Variants in INSC observed in about 807,000 individuals in gnomAD.
The protein encoded by INSC is protein inscuteable homolog.
In INSC, 67 loss-of-function variants were observed where a neutral mutation model predicts 58.6. The ratio of observed to expected loss-of-function variants is 1.14; its 90% CI spans 0.94 to 1.40. The LOEUF is 1.40. Ranked by LOEUF, INSC falls within the 40% of genes most tolerant of loss-of-function variation. INSC has a pLI of 0.00. For missense variants in INSC, 714 were observed against 692.0 expected (o/e 1.03, Z -0.36); for synonymous variants, 262 against 276.1 (o/e 0.95, Z 0.51).
At chr11:15,211,543 T>A (rs74588691) in intron 7 of INSC, among the ~76,000 whole-genome samples, 4,850 of 152,340 alleles carry the variant, frequency 0.032, 72 homozygotes, top group Middle Eastern at 0.071. Context: ...TTTGTTAAAA[T>A]TCAATTTATT....
chr11:15,160,464 AGAG>A (rs1848979325), intron 2 of INSC, among the ~76,000 whole-genome samples: 1 of 152,146 alleles, frequency 6.6e-6, no homozygotes, highest in Non-Finnish European at 1.5e-5. Context: ...ACAGCTATCA[AGAG>A]GAGGGAGTGG....
chr11:15,197,260 CAG>C (rs1469287182), intron 6 of INSC, among the ~76,000 whole-genome samples: 2 of 152,200 alleles, frequency 1.3e-5, no homozygotes, highest in African/African-American at 4.8e-5. Flanking sequence ...ATGGAGCAGA[CAG>C]AGTGTTGAAG....
intron 2 of INSC, among the ~76,000 whole-genome samples, chr11:15,169,203 C>T (rs1028563508): frequency 1.3e-5 from 2 of 151,542 alleles, no homozygotes; most frequent in African/African-American, 4.9e-5. Flanking sequence ...GGAGGGTTCC[C>T]GATGTAGCTA....
chr11:15,135,995 C>T (rs890627966), intron 1 of INSC, among the ~76,000 whole-genome samples: 1 of 152,078 alleles, frequency 6.6e-6, no homozygotes, highest in African/African-American at 2.4e-5. Context: ...AAAGTGAATC[C>T]ACTTATGTAA....
chr11:15,179,238 G>A (rs1849678333), intron 5 of INSC, among the ~76,000 whole-genome samples: 1 of 152,084 alleles, frequency 6.6e-6, no homozygotes. Flanking sequence ...CACATAGTGT[G>A]GGTTAAATAC....
chr11:15,141,849 C>G (rs1405391187), intron 1 of INSC, among the ~76,000 whole-genome samples: 2 of 152,164 alleles, frequency 1.3e-5, no homozygotes, highest in Non-Finnish European at 2.9e-5. Flanking sequence ...AGTGCTCTGA[C>G]TGAAAGCTTG....
At chr11:15,251,776 G>T (rs1211876324), downstream of INSC, among the ~76,000 whole-genome samples, 3 of 152,162 alleles carry the variant, frequency 2.0e-5, no homozygotes, top group East Asian at 5.8e-4. Flanking sequence ...TGGTAAAATT[G>T]CTGGTGGGAT....
At chr11:15,120,016 A>T (rs546332977) in intron 1 of INSC, among the ~76,000 whole-genome samples, 5 of 152,356 alleles carry the variant, frequency 3.3e-5, no homozygotes, top group East Asian at 1.9e-4. Flanking sequence ...CAAGATCTGG[A>T]TTCCAGCTCT....
chr11:15,170,163 A>G (rs966077505), intron 2 of INSC, among the ~76,000 whole-genome samples: 1 of 152,130 alleles, frequency 6.6e-6, no homozygotes, highest in East Asian at 1.9e-4. Flanking sequence ...TTTTATTATC[A>G]TATTGTTATT....
intron 1 of INSC, among the ~76,000 whole-genome samples, chr11:15,136,650 C>G (rs1848252646): frequency 6.6e-6 from 1 of 152,126 alleles, no homozygotes. Flanking sequence ...GAAGCAACTC[C>G]TCATCCATTT....
chr11:15,114,714 C>A (rs1185700662), upstream of INSC, among the ~76,000 whole-genome samples: 1 of 152,210 alleles, frequency 6.6e-6, no homozygotes, highest in African/African-American at 2.4e-5. Context: ...CATGTTTCCC[C>A]CCCCAGGGGC....
the INSC span, among the ~76,000 whole-genome samples, chr11:15,260,393 C>A: frequency 1.3e-5 from 2 of 152,016 alleles, no homozygotes; most frequent in Admixed American, 1.3e-4. Context: ...TATTTAGTGT[C>A]TTTTTTTGAT....
the INSC span, among the ~76,000 whole-genome samples, chr11:15,266,496 T>G: frequency 6.6e-6 from 1 of 152,102 alleles, no homozygotes; most frequent in African/African-American, 2.4e-5. Flanking sequence ...ATTTCTTAAG[T>G]GGGTAGAATG....
intron 5 of INSC, among the ~76,000 whole-genome samples, chr11:15,179,335 A>T (rs572172555): frequency 2.2e-4 from 33 of 152,368 alleles, no homozygotes; most frequent in South Asian, 2.1e-3. Flanking sequence ...AAAGGTATTT[A>T]TGGTTATTTA....
chr11:15,115,616 A>G (rs1847673663), intron 1 of INSC, among the ~76,000 whole-genome samples: 1 of 152,146 alleles, frequency 6.6e-6, no homozygotes. Context: ...TCAGGGAGAC[A>G]GCTTGGGAGA....
At chr11:15,207,165 T>G (rs1850834675) in intron 7 of INSC, among the ~76,000 whole-genome samples, 1 of 152,110 alleles carries the variant, frequency 6.6e-6, no homozygotes, top group East Asian at 1.9e-4. Context: ...GCTACAGGTC[T>G]GTGGCCAAAA....
intron 5 of INSC, among the ~76,000 whole-genome samples, chr11:15,187,185 C>T (rs953214114): frequency 1.3e-5 from 2 of 152,150 alleles, no homozygotes; most frequent in African/African-American, 4.8e-5. Context: ...AACAGTGTTC[C>T]AAGTTCCAAG....
chr11:15,144,943 C>T (rs1848456908), intron 1 of INSC, among the ~76,000 whole-genome samples: 1 of 152,156 alleles, frequency 6.6e-6, no homozygotes, highest in African/African-American at 2.4e-5. Flanking sequence ...AGCTACATAG[C>T]CCAGAGCCCT....
intron 2 of INSC, among the ~76,000 whole-genome samples, chr11:15,154,313 C>T (rs1848740424): frequency 6.6e-6 from 1 of 152,158 alleles, no homozygotes; most frequent in Non-Finnish European, 1.5e-5. Context: ...AATTAAGTAG[C>T]TTGGATTGTG....
Sources: allele counts gnomAD v4.1 joint callset (sites outside exome capture counted in the v4.1 genomes callset), GRCh38; gene constraint gnomAD v4.1.1; transcripts MANE v1.5; gene names NCBI Gene and HGNC (gene_info 2026-07-23, HGNC 2026-07-21).